MYO10: variants seen among roughly 807,000 people sequenced by gnomAD.
MYO10 encodes myosin X.
A neutral mutation model predicts 257.3 loss-of-function variants in MYO10; 133 were observed. That is an observed-to-expected ratio of 0.52 (90% CI 0.45 to 0.60). The LOEUF (loss-of-function observed/expected upper bound fraction) is 0.60, where lower values mean the gene tolerates loss of function less well. Ranked by LOEUF, MYO10 falls within the 20% of genes least tolerant of loss-of-function variation. The pLI, the probability that MYO10 is intolerant of heterozygous loss-of-function variation, is 0.00. For synonymous variants in MYO10, 1,104 were observed against 1,028.6 expected (o/e 1.07, Z -1.40); for missense variants, 2,399 against 2,635.7 (o/e 0.91, Z 1.97).
intron 2 of MYO10, among the ~76,000 whole-genome samples, chr5:16,874,389 A>G (rs1332821007): frequency 7.0e-6 from 1 of 142,918 alleles, no homozygotes; most frequent in Non-Finnish European, 1.5e-5. Flanking sequence ...TCAGGCTGCA[A>G]AATTTCCAAA....
At position 16,671,517 on chromosome 5, in the gene MYO10, C is replaced by A. The variant is rs1330618945; in HGVS notation, c.5335G>T (p.Asp1779Tyr). Reference sequence around the variant, plus strand: ...TTGAAGTAGAATTTCCATGGCAGGTCCCCAACCTCGGATGTGGCAGCCAGC... The same window carrying A: ...TTGAAGTAGAATTTCCATGGCAGGTACCCAACCTCGGATGTGGCAGCCAGC... The part of the protein sequence containing the change: ...EKLAATSEVG[D>Y]LPWKFYFKLY... Residue 1779 changes from aspartate to tyrosine, a missense_variant, in exon 38 of 41, where the codon GAC becomes TAC. Transcript: ENST00000513610. 6.2e-7 allele frequency: 1 copy of A among 1,613,924 alleles called. No homozygotes were observed. The highest frequency in any genetic ancestry group is 1.7e-5 in the Admixed American group (1 of 60,026).
chr5:16,780,604 C>T lies in MYO10; in HGVS notation c.746G>A (p.Arg249Gln), dbSNP rs1328534099. 1.3e-6 allele frequency: 2 copies of T among 1,574,558 alleles called. No individual in the cohort carries two copies. The highest frequency in any genetic ancestry group is 1.7e-6 in the Non-Finnish European group (2 of 1,157,724). Reference protein sequence around the residue: ...RIVDYLLEKNRVVRQNPGERN... With the variant: ...RIVDYLLEKNQVVRQNPGERN... ...TTCCCCGGGATTTTGCCTTACTACT[C>T]GGTTCTGGGAAGATAAATCAGATTT... The change falls in exon 8 of 41, where the codon CGA (arginine) becomes CAA (glutamine). Residue 249 changes from arginine (R) to glutamine (Q), a missense_variant. Arg to Gln is a conservative substitution (Grantham distance 43). Coordinates refer to ENST00000513610, the MANE Select transcript of MYO10 (RefSeq NM_012334.3).
At chr5:16,742,258 C>G (rs1740043632) in intron 19 of MYO10, 1 of 985,056 alleles carries the variant, frequency 1.0e-6, no homozygotes, top group African/African-American at 1.7e-5. Flanking sequence ...TGCAATTTAT[C>G]CTGATCTCTA....
At chr5:16,931,008 A>C (rs1746280428) in intron 1 of MYO10, among the ~76,000 whole-genome samples, 1 of 152,234 alleles carries the variant, frequency 6.6e-6, no homozygotes, top group Non-Finnish European at 1.5e-5. Flanking sequence ...ATGGTGGCTC[A>C]TGCCTGTAAT....
intron 3 of MYO10, among the ~76,000 whole-genome samples, chr5:16,801,142 C>T (rs547973310): frequency 2.6e-4 from 39 of 152,228 alleles, no homozygotes; most frequent in Middle Eastern, 6.8e-3. Flanking sequence ...ATGGTCAGGA[C>T]CCTTTCTGCT....
chr5:16,808,789 A>T (rs78857196), intron 3 of MYO10, among the ~76,000 whole-genome samples: 17,872 of 152,138 alleles, frequency 0.12, 1,188 homozygotes, highest in South Asian at 0.27. Flanking sequence ...CTCCTGCCTC[A>T]GCCTCCCAAG....
intron 1 of MYO10, among the ~76,000 whole-genome samples, chr5:16,921,598 T>C (rs1195708804): frequency 6.7e-6 from 1 of 149,950 alleles, no homozygotes; most frequent in Non-Finnish European, 1.5e-5. Context: ...ACAGTAGATC[T>C]GGTGGAATTC....
At chr5:16,735,955 C>G (rs1436302920) in intron 19 of MYO10, among the ~76,000 whole-genome samples, 2 of 152,164 alleles carry the variant, frequency 1.3e-5, no homozygotes, top group Non-Finnish European at 2.9e-5. Context: ...TCTACTCATC[C>G]ACACCCGCAG....
At chr5:16,756,838 C>T (rs772492610) in intron 18 of MYO10, among the ~76,000 whole-genome samples, 12 of 152,030 alleles carry the variant, frequency 7.9e-5, no homozygotes, top group African/African-American at 1.7e-4. Context: ...CAGTGGCTCA[C>T]GTCTGTAATT....
intron 19 of MYO10, among the ~76,000 whole-genome samples, chr5:16,751,225 C>A (rs987129557): frequency 6.6e-6 from 1 of 151,986 alleles, no homozygotes; most frequent in African/African-American, 2.4e-5. Flanking sequence ...AAGATTTTTC[C>A]TGCGAAATTT....
At chr5:16,687,090 G>C (rs1737286364) in intron 28 of MYO10, among the ~76,000 whole-genome samples, 1 of 152,046 alleles carries the variant, frequency 6.6e-6, no homozygotes. Flanking sequence ...GGGAGGCCAA[G>C]GTGGGAGGAT....
chr5:16,689,864 T>C lies in MYO10; in HGVS notation c.3856A>G (p.Arg1286Gly). 6.2e-7 allele frequency: 1 copy of C among 1,613,864 alleles called. No individual in the cohort carries two copies. The highest frequency in any genetic ancestry group is 8.5e-7 in the Non-Finnish European group (1 of 1,179,846). The stretch of plus-strand genomic sequence containing the variant: ...GACTCTGCAATCAGGTGGAAAGTCC[T>C]ATCGGCCATAATGATGTCGATCCCA... ...ENGIDIIMAD[R>G]TFHLIAESPE... Residue 1286 changes from arginine (R) to glycine (G), a missense_variant, in exon 28 of 41, where the codon AGG (arginine) becomes GGG (glycine). By Grantham distance (125) the Arg-to-Gly change is moderately radical. Coordinates refer to ENST00000513610, the MANE Select transcript of MYO10 (RefSeq NM_012334.3).
chr5:16,716,830 G>A (rs1282856083), intron 19 of MYO10, among the ~76,000 whole-genome samples: 2 of 151,850 alleles, frequency 1.3e-5, no homozygotes, highest in African/African-American at 2.4e-5. Context: ...TGTTCAAACC[G>A]GTTATTTTTT....
intron 2 of MYO10, among the ~76,000 whole-genome samples, chr5:16,872,849 A>G (rs1211256769): frequency 6.6e-6 from 1 of 152,156 alleles, no homozygotes; most frequent in Non-Finnish European, 1.5e-5. Context: ...ATAGTACAGG[A>G]AAGACTGGCC....
intron 1 of MYO10, among the ~76,000 whole-genome samples, chr5:16,894,328 G>T (rs552269955): frequency 7.8e-4 from 119 of 152,238 alleles, no homozygotes; most frequent in African/African-American, 2.8e-3. Flanking sequence ...CCTCCTCTGT[G>T]GGCTGTCTGA....
At chr5:16,816,040 T>TAA (rs570072651) in intron 3 of MYO10, among the ~76,000 whole-genome samples, 57 of 91,996 alleles carry the variant, frequency 6.2e-4, no homozygotes, top group African/African-American at 1.7e-3. Context: ...TTTCACAGTG[T>TAA]AAAAAAAAAA....
At chr5:16,718,431 C>T (rs539925241) in intron 19 of MYO10, among the ~76,000 whole-genome samples, 1 of 152,242 alleles carries the variant, frequency 6.6e-6, no homozygotes, top group Non-Finnish European at 1.5e-5. Context: ...CTGGTGGGGA[C>T]GTGGAGAGTA....
intron 3 of MYO10, chr5:16,815,223 G>T (rs1742567869): frequency 4.3e-6 from 2 of 467,634 alleles, no homozygotes; most frequent in South Asian, 4.0e-5. Flanking sequence ...TCAAAATATA[G>T]ATTGAGCATC....
intron 19 of MYO10, among the ~76,000 whole-genome samples, chr5:16,723,158 C>T (rs941361946): frequency 1.3e-5 from 2 of 151,976 alleles, no homozygotes; most frequent in Non-Finnish European, 2.9e-5. Context: ...AGGCGGATCA[C>T]GAGGTCATGA....
Sources: allele counts gnomAD v4.1 joint callset (sites outside exome capture counted in the v4.1 genomes callset), GRCh38; gene constraint gnomAD v4.1.1; transcripts MANE v1.5; gene names NCBI Gene and HGNC (gene_info 2026-07-23, HGNC 2026-07-21).